The following DNAAF9 variants were observed in gnomAD, a reference collection of about 807,000 sequenced individuals.
The protein encoded by DNAAF9 is shulin.
A neutral mutation model predicts 167.0 loss-of-function variants in DNAAF9; 90 were observed. The observed-to-expected ratio is 0.54, with a 90% CI of 0.45 to 0.64. The LOEUF (loss-of-function observed/expected upper bound fraction) is 0.64. Among genes scored for constraint, DNAAF9 ranks in the 30% least tolerant of loss-of-function variants. The pLI, the probability that DNAAF9 is intolerant of heterozygous loss-of-function variation, is 0.00. For missense variants in DNAAF9, 1,315 were observed against 1,442.2 expected (o/e 0.91, Z 1.43); for synonymous variants, 491 against 508.8 (o/e 0.96, Z 0.47).
intron 7 of DNAAF9, among the ~76,000 whole-genome samples, chr20:3,357,409 T>C (rs1445454430): frequency 2.0e-5 from 3 of 152,042 alleles, no homozygotes; most frequent in East Asian, 3.9e-4. Flanking sequence ...GGGGTGGAAG[T>C]TGCAGTGAGC....
intron 1 of DNAAF9, among the ~76,000 whole-genome samples, chr20:3,403,135 T>G (rs2084012017): frequency 6.6e-6 from 1 of 152,070 alleles, no homozygotes; most frequent in Non-Finnish European, 1.5e-5. Context: ...TTCCCCCACT[T>G]CCAATGGTGG....
chr20:3,270,546 C>G lies in DNAAF9; in HGVS notation c.2667G>C (p.Val889=). 6.2e-7 allele frequency: 1 copy of G among 1,612,702 alleles called. No homozygotes were observed. Among genetic ancestry groups the G allele is most frequent in the East Asian group, 2.2e-5 (1 of 44,862 alleles). Residue 889 remains valine (V), a synonymous_variant, in exon 30 of 37, where the codon GTG becomes GTC. Coordinates refer to ENST00000252032, the MANE Select transcript of DNAAF9 (RefSeq NM_001009984.3). ...DQCSQGLVSN[V]VFTSHTTEQR... is the part of the protein sequence containing the mutation. ...GCTCCGTGGTGTGACTGGTGAATACCACGTTACTCACCAGGCCTGGGAATA... is the reference window on the plus strand; with the variant it reads ...GCTCCGTGGTGTGACTGGTGAATACGACGTTACTCACCAGGCCTGGGAATA...
chr20:3,382,385 A>G, intron 2 of DNAAF9, 42 bp downstream of exon 2: 1 of 1,513,336 alleles, frequency 6.6e-7, no homozygotes, highest in Non-Finnish European at 9.2e-7. Context: ...AAAAAAGCCA[A>G]GTTGCCCAAG....
chr20:3,273,883 T>C (rs1290596739), intron 29 of DNAAF9, among the ~76,000 whole-genome samples: 1 of 152,224 alleles, frequency 6.6e-6, no homozygotes, highest in African/African-American at 2.4e-5. Flanking sequence ...GCTGAGTATA[T>C]ACAAAAGTGT....
At position 3,250,411 on chromosome 20, in the gene DNAAF9, T is replaced by C. The variant is rs2068179217; in HGVS notation, c.*2161A>G. The C allele has an allele frequency of 6.6e-6, 1 of 152,282 alleles. No homozygotes were observed. Among genetic ancestry groups the C allele is most frequent in the African/African-American group, 2.4e-5 (1 of 41,474 alleles). 9.4% of individuals were successfully genotyped at this position (152,282 alleles called of 1,614,324 possible). A position where few individuals can be genotyped will look rare whatever the true frequency, so the allele number is the denominator to read the frequency against. On this transcript the variant is annotated 3_prime_UTR_variant, in exon 37 of 37. Coordinates refer to ENST00000252032, the MANE Select transcript of DNAAF9 (RefSeq NM_001009984.3). ...GAATGCCCTTTCGCCAGCTGCCCCT[T>C]CACGTTCCCGAGTAGGCTGAGGAGC...
At chr20:3,316,329 T>G (rs2069499366) in intron 18 of DNAAF9, among the ~76,000 whole-genome samples, 1 of 152,146 alleles carries the variant, frequency 6.6e-6, no homozygotes, top group African/African-American at 2.4e-5. Context: ...CAGAGAGATG[T>G]TGCAGTAAAA....
At chr20:3,383,075 G>A (rs951986552) in intron 1 of DNAAF9, among the ~76,000 whole-genome samples, 4 of 152,030 alleles carry the variant, frequency 2.6e-5, no homozygotes, top group East Asian at 1.9e-4. Context: ...AGGGACAGCC[G>A]TTTGCTCAAG....
At chr20:3,346,200 T>C (rs557932792) in intron 8 of DNAAF9, among the ~76,000 whole-genome samples, 1 of 152,328 alleles carries the variant, frequency 6.6e-6, no homozygotes, top group East Asian at 1.9e-4. Flanking sequence ...GGCATTCATA[T>C]AGTGCTGGTG....
intron 33 of DNAAF9, among the ~76,000 whole-genome samples, chr20:3,257,312 A>C (rs934608354): frequency 6.6e-6 from 1 of 150,708 alleles, no homozygotes; most frequent in African/African-American, 2.4e-5. Context: ...GGAATTCGAG[A>C]CCAGCCTGGG....
intron 30 of DNAAF9, among the ~76,000 whole-genome samples, chr20:3,269,842 C>T (rs971079266): frequency 1.3e-5 from 2 of 151,754 alleles, no homozygotes; most frequent in South Asian, 2.1e-4. Flanking sequence ...CCTGTAGTCC[C>T]AGCTACTCAG....
At chr20:3,336,260 T>TTTTG (rs1555793453) in intron 10 of DNAAF9, among the ~76,000 whole-genome samples, 6 of 141,776 alleles carry the variant, frequency 4.2e-5, no homozygotes, top group African/African-American at 1.7e-4. Context: ...GCGTTTTTGT[T>TTTTG]TTTTTTTTTT....
intron 6 of DNAAF9, among the ~76,000 whole-genome samples, chr20:3,361,451 C>G (rs1345950162): frequency 6.6e-6 from 1 of 152,110 alleles, no homozygotes; most frequent in African/African-American, 2.4e-5. Flanking sequence ...CTCTAACAAG[C>G]CCCCCAGGCT....
intron 3 of DNAAF9, among the ~76,000 whole-genome samples, chr20:3,380,962 C>T (rs2083641888): frequency 6.6e-6 from 1 of 152,182 alleles, no homozygotes; most frequent in South Asian, 2.1e-4. Flanking sequence ...AGCCTTTGTT[C>T]CTCAGCTGAT....
intron 7 of DNAAF9, among the ~76,000 whole-genome samples, chr20:3,352,419 C>T (rs1010185861): frequency 6.6e-6 from 1 of 152,192 alleles, no homozygotes; most frequent in African/African-American, 2.4e-5. Flanking sequence ...GAGATAAATA[C>T]ACTTCTAGCG....
At chr20:3,303,679 A>T (rs1335739440) in intron 21 of DNAAF9, among the ~76,000 whole-genome samples, 1 of 152,218 alleles carries the variant, frequency 6.6e-6, no homozygotes, top group Non-Finnish European at 1.5e-5. Context: ...TGACCAAAAT[A>T]CCTCACATAG....
In DNAAF9 at chr20:3,304,427, G is replaced by GT. The variant is rs1568592192; in HGVS notation, c.1782+12dup. ...TTCCGACCAAAAAAGCCACTGACTA[G>GT]TAAAACACCTACCCCATCATAGAAG... On this transcript the variant is annotated intron_variant, in intron 21 of 36. Coordinates refer to ENST00000252032, the MANE Select transcript of DNAAF9 (RefSeq NM_001009984.3). The GT allele has an allele frequency of 8.1e-7, 1 of 1,233,106 alleles. No homozygotes were observed. The highest frequency in any genetic ancestry group is 1.7e-5 in the Admixed American group (1 of 58,698). 76.4% of individuals were successfully genotyped at this position (1,233,106 alleles called of 1,614,324 possible).
intron 29 of DNAAF9, among the ~76,000 whole-genome samples, chr20:3,277,623 T>A (rs935199886): frequency 6.6e-6 from 1 of 151,948 alleles, no homozygotes; most frequent in Non-Finnish European, 1.5e-5. Context: ...TTCCAACACA[T>A]GCCCCACATC....
At chr20:3,268,361 T>C (rs1324998603) in intron 30 of DNAAF9, among the ~76,000 whole-genome samples, 5 of 145,100 alleles carry the variant, frequency 3.4e-5, no homozygotes, top group African/African-American at 1.0e-4. Flanking sequence ...ATGGAGTTTC[T>C]CTTTGTCGCC....
At chr20:3,387,884 T>TAAAAAAAAAAAAAAAAAAAAAAAAAAAA (rs557861791) in intron 1 of DNAAF9, among the ~76,000 whole-genome samples, 2 of 87,368 alleles carry the variant, frequency 2.3e-5, no homozygotes, top group Middle Eastern at 5.5e-3. Flanking sequence ...CTACAAAAAG[T>TAAAAAAAAAAAAAAAAAAAAAAAAAAAA]AAAAAAAAAA....
Sources: gnomAD v4.1 joint callset for allele counts (sites outside exome capture counted in the v4.1 genomes callset) on GRCh38, gnomAD v4.1.1 for gene constraint, MANE v1.5 for transcripts, NCBI Gene and HGNC (gene_info 2026-07-23, HGNC 2026-07-21) for gene names.